The following TF variants were observed in gnomAD, a reference collection of about 807,000 sequenced individuals.
TF encodes the protein serotransferrin.
TF carries 55 observed loss-of-function variants against 82.4 expected under a neutral mutation model. The ratio of observed to expected loss-of-function variants is 0.67; its 90% confidence interval spans 0.54 to 0.84. TF has a LOEUF of 0.84. TF is among the 40% of genes least tolerant of loss of function. The probability of loss-of-function intolerance (pLI) is 0.00; values close to 1 mark genes in which losing one functional copy is unlikely to be tolerated. For synonymous variants in TF, 332 were observed against 332.6 expected (o/e 1.00, Z 0.02); for missense variants, 737 against 868.4 (o/e 0.85, Z 1.90).
At chr3:133,753,444 G>C (rs1933731789) in intron 2 of TF, 151 bp from the exon 3 acceptor site, 1 of 691,904 alleles carries the variant, frequency 1.4e-6, no homozygotes, top group South Asian at 1.6e-5. Context: ...GGGAGACAGA[G>C]TCAACTGAAG....
chr3:133,779,477 C>T lies in TF; in HGVS notation c.*857C>T, dbSNP rs758144282. The T allele has an allele frequency of 6.6e-6, 1 of 152,332 alleles. No individual in the cohort carries two copies. Among genetic ancestry groups the T allele is most frequent in the East Asian group, 1.9e-4 (1 of 5,208 alleles). 9.4% of individuals were successfully genotyped at this position (152,332 alleles called of 1,614,324 possible). ...CCTGCAGTTGATAAAGTTGACCACT[C>T]CCTCCTCCTTGGAACTCTTTTCCTC... On this transcript the variant is annotated 3_prime_UTR_variant, in exon 17 of 17. Transcript: ENST00000402696.
At chr3:133,732,827 TATG>T in the TF span, among the ~76,000 whole-genome samples, 49 of 58,644 alleles carry the variant, frequency 8.4e-4, no homozygotes, top group Non-Finnish European at 1.3e-4. Context: ...CCGGACACAT[TATG>T]ATCCTCATTT....
chr3:133,773,158 TTTTTTTTTC>T (rs1169903844), intron 14 of TF: 4 of 151,900 alleles, frequency 2.6e-5, no homozygotes, highest in Non-Finnish European at 5.9e-5. Context: ...ACGTGGGCTT[TTTTTTTTTC>T]TTTTTTTTCT....
At chr3:133,713,572 A>G in the TF span, among the ~76,000 whole-genome samples, 4 of 152,214 alleles carry the variant, frequency 2.6e-5, no homozygotes, top group African/African-American at 7.2e-5. Context: ...TTGTCTTATA[A>G]GCATGTTACA....
the TF span, among the ~76,000 whole-genome samples, chr3:133,682,261 A>C: frequency 6.6e-6 from 1 of 152,254 alleles, no homozygotes; most frequent in African/African-American, 2.4e-5. Flanking sequence ...AAACCAGAGC[A>C]GAAAAGCTGA....
chr3:133,753,313 G>A lies in TF; in HGVS notation c.217-282G>A, dbSNP rs145241425. ...AGGTTAAGCCTTCGTAATTGCCTACGGTAAAGTCACGTAGGATTTTTGGCC... is the reference window on the plus strand; with the variant it reads ...AGGTTAAGCCTTCGTAATTGCCTACAGTAAAGTCACGTAGGATTTTTGGCC... On this transcript the variant is annotated intron_variant, in intron 2 of 16. Coordinates refer to ENST00000402696, the MANE Select transcript of TF (RefSeq NM_001063.4). 0.012 allele frequency among the ~76,000 whole-genome samples: 1,793 copies of A among 152,324 alleles called. 29 individuals carry two copies. Among genetic ancestry groups the A allele is most frequent in the South Asian group, 0.037 (180 of 4,824 alleles).
chr3:133,683,047 T>C, the TF span, among the ~76,000 whole-genome samples: 1 of 152,168 alleles, frequency 6.6e-6, no homozygotes, highest in South Asian at 2.1e-4. Context: ...GGGGCCAATA[T>C]TCAACATTTT....
intron 2 of TF, 83 bp downstream of exon 2, chr3:133,748,667 C>A (rs776040462): frequency 6.5e-7 from 1 of 1,526,792 alleles, no homozygotes; most frequent in Admixed American, 1.9e-5. Flanking sequence ...TCTTTACTCA[C>A]AGGTAGGAGG....
chr3:133,673,637 C>T, the TF span, among the ~76,000 whole-genome samples: 1 of 152,112 alleles, frequency 6.6e-6, no homozygotes, highest in Admixed American at 6.5e-5. Context: ...CTGCATAAAG[C>T]TCAAAAATCA....
intron 8 of TF, 48 bp from the exon 9 acceptor site, chr3:133,759,127 G>A: frequency 2.5e-6 from 4 of 1,612,602 alleles, no homozygotes; most frequent in South Asian, 1.1e-5. Flanking sequence ...CAAACACCAG[G>A]CAACAGCTAG....
In TF at chr3:133,795,576, T is replaced by C. The variant is rs1934946204; in HGVS notation, c.*16956T>C. The stretch of plus-strand genomic sequence containing the variant: ...ACCTGACCAAAAAAGTGGAATTTTT[T>C]TTTTTTTTTTTTTTTTTGAGATGGA... On this transcript the variant is annotated 3_prime_UTR_variant, in exon 17 of 17. Coordinates refer to ENST00000402696, the MANE Select transcript of TF (RefSeq NM_001063.4). 6.9e-6 allele frequency: 1 copy of C among 144,326 alleles called. No individual in the cohort carries two copies. The allele number at this position is 144,326 out of a possible 1,614,324, so 8.9% of individuals were successfully genotyped here.
the TF span, among the ~76,000 whole-genome samples, chr3:133,713,553 A>T: frequency 1.3e-5 from 2 of 152,232 alleles, no homozygotes; most frequent in Non-Finnish European, 1.5e-5. Context: ...ATGCTTCTTC[A>T]TGCATCGCTT....
the TF span, among the ~76,000 whole-genome samples, chr3:133,728,908 C>T: frequency 6.6e-6 from 1 of 152,216 alleles, no homozygotes; most frequent in African/African-American, 2.4e-5. Context: ...TTTGAGTTTG[C>T]TAGAGGTCCA....
At position 133,793,816 on chromosome 3, in the gene TF, G is replaced by A. The variant is rs749870142; in HGVS notation, c.*15196G>A. 6.6e-6 allele frequency: 1 copy of A among 152,084 alleles called. No individual in the cohort carries two copies. Among genetic ancestry groups the A allele is most frequent in the African/African-American group, 2.4e-5 (1 of 41,410 alleles). 9.4% of individuals were successfully genotyped at this position (152,084 alleles called of 1,614,324 possible). On this transcript the variant is annotated 3_prime_UTR_variant, in exon 17 of 17. Coordinates refer to ENST00000402696, the MANE Select transcript of TF (RefSeq NM_001063.4). ...GAAAGATTGGAAAGGACCCTAAAAA[G>A]CACTCTTGAATACAGGTTTCTAATA...
the TF span, among the ~76,000 whole-genome samples, chr3:133,729,679 C>G: frequency 1.3e-5 from 2 of 152,138 alleles, no homozygotes; most frequent in Non-Finnish European, 2.9e-5. Context: ...CCTGCACCCA[C>G]TGTCTGGCAC....
chr3:133,764,112 A>G, intron 9 of TF, 70 bp from the exon 10 acceptor site: 2 of 1,377,836 alleles, frequency 1.5e-6, no homozygotes, highest in Non-Finnish European at 2.1e-6. Flanking sequence ...CTTCAAGGAA[A>G]CAGCTGGAAA....
At chr3:133,690,392 T>C in the TF span, among the ~76,000 whole-genome samples, 1 of 152,220 alleles carries the variant, frequency 6.6e-6, no homozygotes, top group Non-Finnish European at 1.5e-5. Context: ...AATAAAACCA[T>C]TCTAAAAATA....
intron 16 of TF, 49 bp from the exon 17 acceptor site, chr3:133,778,537 T>A: frequency 6.2e-7 from 1 of 1,601,404 alleles, no homozygotes; most frequent in South Asian, 1.1e-5. Flanking sequence ...AGTTCAGAAA[T>A]AAATATAGGA....
the TF span, among the ~76,000 whole-genome samples, chr3:133,682,410 C>T: frequency 2.6e-5 from 4 of 152,020 alleles, no homozygotes; most frequent in South Asian, 4.2e-4. Context: ...TAAACTTCTC[C>T]GAGCTAAAGA....
Sources: allele counts gnomAD v4.1 joint callset (sites outside exome capture counted in the v4.1 genomes callset), GRCh38; gene constraint gnomAD v4.1.1; transcripts MANE v1.5; gene names NCBI Gene and HGNC (gene_info 2026-07-23, HGNC 2026-07-21).